The following CSMD3 variants were observed in gnomAD, a reference collection of about 807,000 sequenced individuals.
CSMD3 encodes CUB and sushi domain-containing protein 3.
In CSMD3, 177 loss-of-function variants were observed where a neutral mutation model predicts 435.2. The observed-to-expected ratio is 0.41, with a 90% CI of 0.36 to 0.46. CSMD3 has a LOEUF of 0.46. CSMD3 is among the 20% of genes least tolerant of loss of function. The probability of loss-of-function intolerance (pLI) is 0.34; values close to 1 mark genes in which losing one functional copy is unlikely to be tolerated. For missense variants in CSMD3, 4,265 were observed against 4,504.6 expected (o/e 0.95, Z 1.52); for synonymous variants, 1,656 against 1,520.5 (o/e 1.09, Z -2.07).
intron 22 of CSMD3, among the ~76,000 whole-genome samples, chr8:112,600,260 T>C (rs1586776861): frequency 6.6e-6 from 1 of 152,114 alleles, no homozygotes; most frequent in East Asian, 1.9e-4. Flanking sequence ...GACAAGAAAT[T>C]CTACAGTAGT....
chr8:112,241,842 G>GCA (rs5894076), intron 65 of CSMD3, 57 bp from the exon 66 acceptor site: 64,832 of 584,546 alleles, frequency 0.11, 1,645 homozygotes, highest in Middle Eastern at 0.14. Context: ...ACATACACAT[G>GCA]CGCACACACA....
rs1467272927 is a variant in CSMD3 at position 112,301,845 on chromosome 8, T to TA, written c.8387dup (p.Arg2797LysfsTer11). The TA allele has an allele frequency of 6.2e-7, 1 of 1,613,894 alleles. No individual in the cohort carries two copies. Among genetic ancestry groups the TA allele is most frequent in the Non-Finnish European group, 8.5e-7 (1 of 1,179,896 alleles). On this transcript the variant is annotated frameshift_variant, in exon 53 of 71. Coordinates refer to ENST00000297405, the MANE Select transcript of CSMD3 (RefSeq NM_198123.2). LOFTEE classifies it high-confidence loss of function. ...AAAGACCTGAGGAAAGGCATTCCCT[T>TA]ACAGCAGAGCCCACAAGCATGAATC...
chr8:113,261,825 A>C (rs947938305), intron 3 of CSMD3, among the ~76,000 whole-genome samples: 1 of 152,098 alleles, frequency 6.6e-6, no homozygotes, highest in African/African-American at 2.4e-5. Context: ...TTATATTTAA[A>C]CTATATGGTA....
intron 6 of CSMD3, among the ~76,000 whole-genome samples, chr8:113,014,116 T>A (rs1282327647): frequency 1.3e-5 from 2 of 152,110 alleles, no homozygotes; most frequent in Non-Finnish European, 2.9e-5. Context: ...AGCAGGCATG[T>A]CGTGTCTCTG....
chr8:112,434,226 C>G (rs920412660), intron 32 of CSMD3, among the ~76,000 whole-genome samples: 2 of 152,134 alleles, frequency 1.3e-5, no homozygotes, highest in Admixed American at 1.3e-4. Context: ...AATAAGACTA[C>G]CTTATTCAAT....
intron 27 of CSMD3, among the ~76,000 whole-genome samples, chr8:112,530,095 T>C (rs1259058018): frequency 6.6e-6 from 1 of 151,518 alleles, no homozygotes; most frequent in Non-Finnish European, 1.5e-5. Flanking sequence ...GACACATCAT[T>C]AAAAATAATT....
intron 61 of CSMD3, among the ~76,000 whole-genome samples, chr8:112,257,010 T>A (rs1380003091): frequency 6.6e-6 from 1 of 152,190 alleles, no homozygotes; most frequent in Non-Finnish European, 1.5e-5. Flanking sequence ...AATGTCCAAA[T>A]AAAACCTTCC....
chr8:112,489,462 G>C (rs1820467601), intron 31 of CSMD3, among the ~76,000 whole-genome samples: 1 of 152,064 alleles, frequency 6.6e-6, no homozygotes, highest in Non-Finnish European at 1.5e-5. Context: ...ACATCTGAAA[G>C]TCAGCCAGTC....
intron 3 of CSMD3, among the ~76,000 whole-genome samples, chr8:113,215,093 A>T (rs1041678137): frequency 6.6e-6 from 1 of 151,914 alleles, no homozygotes; most frequent in African/African-American, 2.4e-5. Flanking sequence ...TATTCGTAAT[A>T]AAATATCATT....
intron 9 of CSMD3, among the ~76,000 whole-genome samples, chr8:112,935,144 T>A (rs184268573): frequency 6.6e-6 from 1 of 152,258 alleles, no homozygotes; most frequent in East Asian, 1.9e-4. Flanking sequence ...ACACCATTTA[T>A]TGAAGAAAGT....
At chr8:112,618,807 A>G (rs1214863230) in intron 22 of CSMD3, among the ~76,000 whole-genome samples, 1 of 152,128 alleles carries the variant, frequency 6.6e-6, no homozygotes, top group African/African-American at 2.4e-5. Flanking sequence ...ATGCCTGAAT[A>G]TATTATAAAA....
intron 4 of CSMD3, among the ~76,000 whole-genome samples, chr8:113,134,364 C>A (rs1284522248): frequency 6.6e-6 from 1 of 151,828 alleles, no homozygotes; most frequent in East Asian, 1.9e-4. Flanking sequence ...CTATGATGAC[C>A]CAATGTTCTA....
chr8:112,997,858 G>T (rs968732010), intron 6 of CSMD3, among the ~76,000 whole-genome samples: 45 of 79,678 alleles, frequency 5.6e-4, no homozygotes, highest in Admixed American at 2.2e-3. Context: ...ACATGTATAT[G>T]TGTGTATATA....
At chr8:113,395,393 G>T (rs1477798809) in intron 1 of CSMD3, among the ~76,000 whole-genome samples, 1 of 151,956 alleles carries the variant, frequency 6.6e-6, no homozygotes, top group Non-Finnish European at 1.5e-5. Flanking sequence ...GGATCATGAG[G>T]TCAGGAGATT....
At chr8:112,477,269 C>G (rs978152824) in intron 31 of CSMD3, among the ~76,000 whole-genome samples, 1 of 151,986 alleles carries the variant, frequency 6.6e-6, no homozygotes, top group Non-Finnish European at 1.5e-5. Context: ...GGGGGCAATA[C>G]TATGTGAAAG....
At chr8:113,329,819 C>T (rs969945922) in intron 1 of CSMD3, among the ~76,000 whole-genome samples, 1 of 151,678 alleles carries the variant, frequency 6.6e-6, no homozygotes, top group Non-Finnish European at 1.5e-5. Flanking sequence ...AACAAGAGAA[C>T]GTTAACAAGA....
At chr8:112,981,809 T>G (rs766772341) in intron 6 of CSMD3, among the ~76,000 whole-genome samples, 1 of 151,758 alleles carries the variant, frequency 6.6e-6, no homozygotes, top group Non-Finnish European at 1.5e-5. Context: ...AAATACCTTT[T>G]TATATGAAAT....
intron 53 of CSMD3, among the ~76,000 whole-genome samples, chr8:112,300,721 T>C (rs1022535365): frequency 6.6e-6 from 1 of 152,094 alleles, no homozygotes; most frequent in African/African-American, 2.4e-5. Context: ...TATAAAGAAA[T>C]TGTTGCTGGG....
At chr8:112,773,762 TA>T (rs1237929341) in intron 13 of CSMD3, among the ~76,000 whole-genome samples, 3 of 152,062 alleles carry the variant, frequency 2.0e-5, no homozygotes, top group Non-Finnish European at 4.4e-5. Flanking sequence ...GTGAGAAATT[TA>T]TATTTTAATT....
Sources: gnomAD v4.1 joint callset for allele counts (sites outside exome capture counted in the v4.1 genomes callset) on GRCh38, gnomAD v4.1.1 for gene constraint, MANE v1.5 for transcripts, NCBI Gene and HGNC (gene_info 2026-07-23, HGNC 2026-07-21) for gene names.